Variants in MLLT3 observed in about 807,000 individuals in gnomAD.
MLLT3 encodes the protein MLLT3 super elongation complex subunit.
In MLLT3, 4 loss-of-function variants were observed where a neutral mutation model predicts 53.2. The observed-to-expected ratio is 0.08, with a 90% CI of 0.04 to 0.17. The LOEUF (loss-of-function observed/expected upper bound fraction) is 0.17, where lower values mean the gene tolerates loss of function less well. Among genes scored for constraint, MLLT3 ranks in the 10% least tolerant of loss-of-function variants. The pLI, the probability that MLLT3 is intolerant of heterozygous loss-of-function variation, is 1.00. For synonymous variants in MLLT3, 283 were observed against 230.6 expected (o/e 1.23, Z -2.06); for missense variants, 569 against 684.0 (o/e 0.83, Z 1.87).
At position 20,611,367 on chromosome 9, in the gene MLLT3, A is replaced by G. The variant is rs539296279; in HGVS notation, c.193+9287T>C. ...TACTCTCCAAGCCACTGCTATTATT[A>G]TTAATACTTCAGGAAACTGTTAATA... On this transcript the variant is annotated intron_variant, in intron 2 of 10. Coordinates refer to ENST00000380338, the MANE Select transcript of MLLT3 (RefSeq NM_004529.4). Among the ~76,000 whole-genome samples, 3 of 152,236 alleles carry G rather than the reference A, an allele frequency of 2.0e-5. No individual in the cohort carries two copies. The East Asian group carries it at 5.8e-4, about 29-fold the overall frequency.
intron 2 of MLLT3, among the ~76,000 whole-genome samples, chr9:20,499,922 G>C (rs577698610): frequency 2.0e-5 from 3 of 152,254 alleles, no homozygotes; most frequent in South Asian, 4.1e-4. Flanking sequence ...TGGGGGAACA[G>C]GTGTTAATGC....
intron 10 of MLLT3, among the ~76,000 whole-genome samples, chr9:20,351,307 A>G (rs181501762): frequency 2.0e-5 from 3 of 152,326 alleles, no homozygotes; most frequent in African/African-American, 7.2e-5. Context: ...TTTCCCACAG[A>G]GTTTTCTTCC....
At chr9:20,606,892 C>T (rs1820584714) in intron 2 of MLLT3, among the ~76,000 whole-genome samples, 1 of 152,034 alleles carries the variant, frequency 6.6e-6, no homozygotes. Flanking sequence ...GGATCATTTG[C>T]CCTTTAGTTT....
intron 2 of MLLT3, among the ~76,000 whole-genome samples, chr9:20,458,621 C>CA (rs1271173010): frequency 6.6e-6 from 1 of 152,192 alleles, no homozygotes; most frequent in East Asian, 1.9e-4. Flanking sequence ...GCCCCTTCCT[C>CA]TATGTGAGGA....
Position 20,343,866 on chromosome 9 carries a change from AG to A in MLLT3, c.*2576del, listed in dbSNP as rs1295753116. ...GTGTATATAAATGTGACAGAACTGAAGGGGTTACTTTAAGAGAGGTATTAAA... is the reference window on the plus strand; with the variant it reads ...GTGTATATAAATGTGACAGAACTGAAGGGTTACTTTAAGAGAGGTATTAAA... On this transcript the variant is annotated 3_prime_UTR_variant, in exon 11 of 11. Transcript: ENST00000380338. 2 of 207,742 alleles carry A rather than the reference AG, an allele frequency of 9.6e-6. No homozygotes were observed. Among genetic ancestry groups the A allele is most frequent in the Non-Finnish European group, 2.0e-5 (2 of 102,006 alleles). 12.9% of individuals were successfully genotyped at this position (207,742 alleles called of 1,614,324 possible).
intron 2 of MLLT3, among the ~76,000 whole-genome samples, chr9:20,489,544 A>G (rs767903411): frequency 5.9e-5 from 9 of 152,172 alleles, no homozygotes; most frequent in African/African-American, 4.8e-5. Flanking sequence ...TAGGGCTGCC[A>G]CCCTGAAGAC....
intron 4 of MLLT3, among the ~76,000 whole-genome samples, chr9:20,438,216 A>T (rs948225885): frequency 2.0e-5 from 3 of 152,272 alleles, no homozygotes; most frequent in African/African-American, 7.2e-5. Flanking sequence ...AGACTATATC[A>T]AACAAGATAG....
At chr9:20,437,102 T>C (rs1383686573) in intron 4 of MLLT3, among the ~76,000 whole-genome samples, 2 of 152,150 alleles carry the variant, frequency 1.3e-5, no homozygotes, top group African/African-American at 4.8e-5. Flanking sequence ...CTAACTGTTA[T>C]GCTGTATCCA....
intron 3 of MLLT3, among the ~76,000 whole-genome samples, chr9:20,454,658 G>T (rs1823916611): frequency 6.6e-6 from 1 of 152,120 alleles, no homozygotes; most frequent in African/African-American, 2.4e-5. Flanking sequence ...CTATGGTGTA[G>T]CCCGATCCCT....
Position 20,413,784 on chromosome 9 carries a change from T to C in MLLT3, c.1062A>G (p.Pro354=), listed in dbSNP as rs1822790601. ...TSEKKKSTLP[P]FDDIVDPNDS... is the part of the protein sequence containing the mutation. ...CATTGGGATCCACAATATCATCAAA[T>C]GGCGGTAACGTTGATTTCTTCTTCT... The change falls in exon 5 of 11, where the codon CCA becomes CCG. Residue 354 remains proline (P), a synonymous_variant. Coordinates refer to ENST00000380338, the MANE Select transcript of MLLT3 (RefSeq NM_004529.4). The C allele has an allele frequency of 1.2e-6, 2 of 1,613,702 alleles. No homozygotes were observed. Among genetic ancestry groups the C allele is most frequent in the Non-Finnish European group, 1.7e-6 (2 of 1,179,914 alleles).
chr9:20,500,664 C>T (rs1425544206), intron 2 of MLLT3, among the ~76,000 whole-genome samples: 2 of 152,154 alleles, frequency 1.3e-5, no homozygotes, highest in Non-Finnish European at 2.9e-5. Context: ...CACTGACATG[C>T]CCAGGCTCAA....
At chr9:20,391,933 C>A (rs954501967) in intron 5 of MLLT3, among the ~76,000 whole-genome samples, 2 of 152,126 alleles carry the variant, frequency 1.3e-5, no homozygotes, top group East Asian at 3.9e-4. Flanking sequence ...AGCCCAGGTG[C>A]TACATAAGGT....
At chr9:20,599,853 G>C (rs1402183253) in intron 2 of MLLT3, among the ~76,000 whole-genome samples, 1 of 152,136 alleles carries the variant, frequency 6.6e-6, no homozygotes, top group Admixed American at 6.5e-5. Context: ...TTAATCTTCA[G>C]TCTTGGATGC....
intron 4 of MLLT3, among the ~76,000 whole-genome samples, chr9:20,433,162 C>T (rs1823319841): frequency 6.6e-6 from 1 of 151,904 alleles, no homozygotes; most frequent in Non-Finnish European, 1.5e-5. Context: ...CTGGGAGCCA[C>T]CAAAAGGGCC....
rs559187030 is a variant in MLLT3, at chr9:20,343,961, C to T, written c.*2482G>A. On this transcript the variant is annotated 3_prime_UTR_variant, in exon 11 of 11. Coordinates refer to ENST00000380338, the MANE Select transcript of MLLT3 (RefSeq NM_004529.4). ...TAAAAATTAGATGAGAGCAAGATTA[C>T]CACTTCAAAAAAAATAACGTAACTC... is the stretch of plus-strand genomic sequence containing the variant. 1 of 203,696 alleles carries T rather than the reference C, an allele frequency of 4.9e-6. No individual in the cohort carries two copies. The highest frequency in any genetic ancestry group is 1.9e-4 in the South Asian group (1 of 5,262). 12.6% of individuals were successfully genotyped at this position (203,696 alleles called of 1,614,324 possible). A position where few individuals can be genotyped will look rare whatever the true frequency, so the allele number is the denominator to read the frequency against.
chr9:20,348,888 AT>A (rs1467992672), intron 10 of MLLT3, among the ~76,000 whole-genome samples: 3 of 152,326 alleles, frequency 2.0e-5, no homozygotes, highest in Non-Finnish European at 4.4e-5. Flanking sequence ...CATGTCAATC[AT>A]ATACTTACTA....
intron 3 of MLLT3, among the ~76,000 whole-genome samples, chr9:20,451,327 T>C (rs1159664228): frequency 1.3e-5 from 2 of 152,172 alleles, no homozygotes; most frequent in East Asian, 1.9e-4. Context: ...TAGGAAAATA[T>C]ATACTCCTAT....
chr9:20,547,934 G>A (rs983663522), intron 2 of MLLT3, among the ~76,000 whole-genome samples: 9 of 152,238 alleles, frequency 5.9e-5, no homozygotes, highest in East Asian at 3.9e-4. Flanking sequence ...TCTGGACAAC[G>A]CAGCAAGATC....
intron 2 of MLLT3, among the ~76,000 whole-genome samples, chr9:20,562,977 C>T (rs1819253909): frequency 6.6e-6 from 1 of 152,088 alleles, no homozygotes; most frequent in Non-Finnish European, 1.5e-5. Context: ...CTAGGAACAC[C>T]TACCGTCCCC....
Sources: gnomAD v4.1 joint callset for allele counts (sites outside exome capture counted in the v4.1 genomes callset) on GRCh38, gnomAD v4.1.1 for gene constraint, MANE v1.5 for transcripts, NCBI Gene and HGNC (gene_info 2026-07-23, HGNC 2026-07-21) for gene names.